The following STPG2 variants were observed in gnomAD, a reference collection of about 807,000 sequenced individuals.
STPG2 encodes the protein sperm tail PG-rich repeat containing 2, also known as sperm-tail PG-rich repeat-containing protein 2.
A neutral mutation model predicts 54.2 loss-of-function variants in STPG2; 56 were observed. The observed-to-expected ratio is 1.03, with a 90% CI of 0.83 to 1.29. The LOEUF (loss-of-function observed/expected upper bound fraction) is 1.29. STPG2 is among the 50% of genes most tolerant of loss of function. STPG2 has a pLI of 0.00. For synonymous variants in STPG2, 200 were observed against 181.8 expected, an observed-to-expected ratio of 1.10 and a Z score of -0.81; for missense variants, 596 against 544.9, an observed-to-expected ratio of 1.09 and a Z score of -0.93.
intron 10 of STPG2, among the ~76,000 whole-genome samples, chr4:97,667,403 G>A (rs977626671): frequency 2.0e-5 from 3 of 152,136 alleles, no homozygotes; most frequent in African/African-American, 7.2e-5. Context: ...GTAGAACCTA[G>A]TGCAGTTTTC....
At chr4:97,562,087 T>G (rs1490658637) in intron 10 of STPG2, among the ~76,000 whole-genome samples, 1 of 152,174 alleles carries the variant, frequency 6.6e-6, no homozygotes, top group African/African-American at 2.4e-5. Context: ...GGAATGTTCT[T>G]CCATTTGTTT....
intron 5 of STPG2, among the ~76,000 whole-genome samples, chr4:98,027,776 T>C (rs1736472186): frequency 6.6e-6 from 1 of 152,134 alleles, no homozygotes; most frequent in Non-Finnish European, 1.5e-5. Flanking sequence ...GACTTTGGAG[T>C]CAATCTTCCT....
chr4:97,962,126 A>T (rs1733910844), intron 7 of STPG2, among the ~76,000 whole-genome samples: 1 of 152,210 alleles, frequency 6.6e-6, no homozygotes, highest in African/African-American at 2.4e-5. Context: ...CAAACATCTT[A>T]TGTTCTCATT....
chr4:97,750,880 C>T (rs547075161), intron 9 of STPG2, among the ~76,000 whole-genome samples: 50 of 151,844 alleles, frequency 3.3e-4, no homozygotes, highest in South Asian at 1.0e-3. Context: ...TGGTGCTTTG[C>T]GGACACTTAA....
intron 4 of STPG2, among the ~76,000 whole-genome samples, chr4:97,532,545 C>T (rs1172783728): frequency 6.6e-6 from 1 of 152,088 alleles, no homozygotes; most frequent in African/African-American, 2.4e-5. Flanking sequence ...TAAGAATTTG[C>T]TTTCCTCAAA....
chr4:97,498,466 G>C (rs1730656489), intron 4 of STPG2, among the ~76,000 whole-genome samples: 1 of 151,742 alleles, frequency 6.6e-6, no homozygotes, highest in African/African-American at 2.4e-5. Flanking sequence ...GTTGAATTTT[G>C]TTGTTATTTA....
chr4:97,746,456 C>T (rs1484275715), intron 9 of STPG2, among the ~76,000 whole-genome samples: 1 of 151,134 alleles, frequency 6.6e-6, no homozygotes, highest in African/African-American at 2.4e-5. Flanking sequence ...ATAATTTCTC[C>T]AATTGACAGA....
intron 9 of STPG2, among the ~76,000 whole-genome samples, chr4:97,781,251 C>A (rs535490598): frequency 6.6e-6 from 1 of 152,252 alleles, no homozygotes; most frequent in Non-Finnish European, 1.5e-5. Context: ...AAGGAGATAT[C>A]ACCACTGATC....
At chr4:97,870,933 G>C (rs866555903) in intron 8 of STPG2, among the ~76,000 whole-genome samples, 1 of 150,964 alleles carries the variant, frequency 6.6e-6, no homozygotes, top group Non-Finnish European at 1.5e-5. Context: ...TGTGCCTACA[G>C]TAAGGTACAT....
intron 8 of STPG2, among the ~76,000 whole-genome samples, chr4:97,896,606 T>G (rs951542317): frequency 1.3e-5 from 2 of 151,802 alleles, no homozygotes; most frequent in Admixed American, 1.3e-4. Flanking sequence ...AATACACCCA[T>G]CACTATCTAT....
At chr4:97,639,652 A>T (rs1312320348) in intron 10 of STPG2, among the ~76,000 whole-genome samples, 1 of 152,108 alleles carries the variant, frequency 6.6e-6, no homozygotes, top group African/African-American at 2.4e-5. Context: ...ATTTATAAAT[A>T]TATAATATTG....
chr4:97,600,304 A>C (rs1032569211), intron 10 of STPG2, among the ~76,000 whole-genome samples: 1 of 152,214 alleles, frequency 6.6e-6, no homozygotes, highest in Admixed American at 6.5e-5. Flanking sequence ...AGTATTTATC[A>C]AATCATTTTT....
chr4:97,715,565 GA>G (rs200442072), intron 9 of STPG2, among the ~76,000 whole-genome samples: 3 of 150,560 alleles, frequency 2.0e-5, no homozygotes, highest in Admixed American at 6.6e-5. Context: ...AGTGGCCTCA[GA>G]AAAAAAAACT....
chr4:97,763,872 A>G lies in STPG2; in HGVS notation c.1205-51058T>C, dbSNP rs186451853. Reference sequence around the variant, plus strand: ...CATTTCTTAACTCTAAGATGATAATATCAGCCACATTTTTATTGCATAATG... The same window carrying G: ...CATTTCTTAACTCTAAGATGATAATGTCAGCCACATTTTTATTGCATAATG... On this transcript the variant is annotated intron_variant, in intron 9 of 10. Coordinates refer to ENST00000295268, the MANE Select transcript of STPG2 (RefSeq NM_174952.3). Among the ~76,000 whole-genome samples, 290 of 152,292 alleles carry G rather than the reference A, an allele frequency of 1.9e-3. 1 individual carries two copies. The highest frequency in any genetic ancestry group is 6.8e-3 in the African/African-American group (282 of 41,548).
intron 8 of STPG2, among the ~76,000 whole-genome samples, chr4:97,860,872 T>C (rs1578631346): frequency 6.6e-6 from 1 of 152,200 alleles, no homozygotes. Context: ...GGGAAAATGC[T>C]TTCAGCTTTT....
intron 9 of STPG2, among the ~76,000 whole-genome samples, chr4:97,787,194 A>G (rs2149077292): frequency 6.6e-6 from 1 of 152,158 alleles, no homozygotes; most frequent in East Asian, 1.9e-4. Flanking sequence ...AATATTTCGT[A>G]CTTTTTTTTT....
At chr4:97,961,197 C>T (rs1560611125) in intron 7 of STPG2, among the ~76,000 whole-genome samples, 1 of 151,596 alleles carries the variant, frequency 6.6e-6, no homozygotes, top group African/African-American at 2.4e-5. Flanking sequence ...CAGAAATCAA[C>T]TCAAGATGGG....
chr4:97,538,859 C>T (rs1731612484), intron 4 of STPG2, among the ~76,000 whole-genome samples: 2 of 152,192 alleles, frequency 1.3e-5, no homozygotes, highest in South Asian at 2.1e-4. Flanking sequence ...AGAAACTTTA[C>T]AAGCCAGAAG....
intron 10 of STPG2, among the ~76,000 whole-genome samples, chr4:97,616,051 C>CATATAAATAT (rs1733857098): frequency 4.3e-5 from 1 of 23,250 alleles, no homozygotes; most frequent in Admixed American, 6.5e-4. Flanking sequence ...AAAAAAAATA[C>CATATAAATAT]ATATAAATAT....
Sources: allele counts gnomAD v4.1 joint callset (sites outside exome capture counted in the v4.1 genomes callset), GRCh38; gene constraint gnomAD v4.1.1; transcripts MANE v1.5; gene names NCBI Gene and HGNC (gene_info 2026-07-23, HGNC 2026-07-21).